Variants in DIS3L2 observed in about 807,000 individuals in gnomAD.
The protein encoded by DIS3L2 is DIS3-like exonuclease 2.
Under a neutral mutation model 97.5 loss-of-function variants are expected in DIS3L2, and 34 were observed. The observed-to-expected ratio is 0.35, with a 90% confidence interval of 0.27 to 0.46. DIS3L2 has a LOEUF of 0.46. Among genes scored for constraint, DIS3L2 ranks in the 20% least tolerant of loss-of-function variants. DIS3L2 has a pLI of 1.00. For synonymous variants in DIS3L2, 435 were observed against 445.2 expected, an observed-to-expected ratio of 0.98 and a Z score of 0.29; for missense variants, 1,038 against 1,146.0, an observed-to-expected ratio of 0.91 and a Z score of 1.36.
chr2:232,113,931 C>T (rs1697621446), intron 6 of DIS3L2, among the ~76,000 whole-genome samples: 1 of 152,020 alleles, frequency 6.6e-6, no homozygotes, highest in Non-Finnish European at 1.5e-5. Context: ...CCTAAACTCT[C>T]ATAAGATCAG....
At chr2:232,054,991 G>GA (rs1695505698) in intron 5 of DIS3L2, among the ~76,000 whole-genome samples, 1 of 152,168 alleles carries the variant, frequency 6.6e-6, no homozygotes, top group African/African-American at 2.4e-5. Context: ...CACGTTACCA[G>GA]AAGAAAGGAA....
chr2:232,050,569 C>T (rs1477863673), intron 5 of DIS3L2, among the ~76,000 whole-genome samples: 3 of 152,192 alleles, frequency 2.0e-5, no homozygotes, highest in Non-Finnish European at 2.9e-5. Context: ...AGCCACTGCA[C>T]CCGGCCGGTT....
intron 13 of DIS3L2, among the ~76,000 whole-genome samples, chr2:232,271,498 G>T (rs772686358): frequency 1.3e-5 from 2 of 152,184 alleles, no homozygotes; most frequent in Non-Finnish European, 2.9e-5. Flanking sequence ...GAAGTTCAAG[G>T]CTTCCATTTA....
chr2:232,191,581 A>T (rs1005005177), intron 9 of DIS3L2, among the ~76,000 whole-genome samples: 3 of 152,220 alleles, frequency 2.0e-5, no homozygotes, highest in Admixed American at 6.5e-5. Context: ...AACTTTGAGG[A>T]CACTCATTTG....
At chr2:232,272,010 T>A (rs1046477588) in intron 13 of DIS3L2, among the ~76,000 whole-genome samples, 2 of 152,248 alleles carry the variant, frequency 1.3e-5, no homozygotes, top group African/African-American at 2.4e-5. Context: ...TGGCCACTAT[T>A]TCTGGCTTGT....
At chr2:232,122,543 C>A (rs1697937224) in intron 6 of DIS3L2, among the ~76,000 whole-genome samples, 1 of 152,042 alleles carries the variant, frequency 6.6e-6, no homozygotes, top group Admixed American at 6.6e-5. Flanking sequence ...ATGGTGAAAC[C>A]CTGTCTCTAC....
chr2:232,275,165 C>T (rs1694109027), intron 13 of DIS3L2, among the ~76,000 whole-genome samples: 2 of 152,214 alleles, frequency 1.3e-5, no homozygotes, highest in Non-Finnish European at 2.9e-5. Context: ...ACTTCCTCTT[C>T]CTCCAATATC....
chr2:232,311,929 G>A (rs1248415463), intron 14 of DIS3L2, among the ~76,000 whole-genome samples: 1 of 152,160 alleles, frequency 6.6e-6, no homozygotes, highest in Non-Finnish European at 1.5e-5. Context: ...TATATAATAG[G>A]AATGAAATTG....
intron 6 of DIS3L2, among the ~76,000 whole-genome samples, chr2:232,121,632 CG>C (rs1228472078): frequency 6.6e-5 from 10 of 152,194 alleles, no homozygotes; most frequent in Admixed American, 6.5e-4. Flanking sequence ...GTGGCTCACA[CG>C]CCTTAGTGTG....
intron 12 of DIS3L2, among the ~76,000 whole-genome samples, chr2:232,256,294 T>G (rs1217449067): frequency 6.6e-6 from 1 of 152,236 alleles, no homozygotes; most frequent in African/African-American, 2.4e-5. Flanking sequence ...CTGCCTTTTA[T>G]GTGTAACTGA....
intron 6 of DIS3L2, among the ~76,000 whole-genome samples, chr2:232,091,204 G>A (rs1284418366): frequency 6.6e-6 from 1 of 152,182 alleles, no homozygotes; most frequent in Non-Finnish European, 1.5e-5. Context: ...TGCGTAAATG[G>A]CTTTAAAAAT....
chr2:232,140,298 T>A (rs1698473663), intron 8 of DIS3L2, among the ~76,000 whole-genome samples: 1 of 152,184 alleles, frequency 6.6e-6, no homozygotes, highest in Non-Finnish European at 1.5e-5. Flanking sequence ...ATATTTCTCA[T>A]CTGTTTGGTT....
intron 5 of DIS3L2, among the ~76,000 whole-genome samples, chr2:232,055,421 A>G (rs972866563): frequency 1.3e-5 from 2 of 152,232 alleles, no homozygotes; most frequent in Non-Finnish European, 2.9e-5. Context: ...TTATGTTAGC[A>G]TGTAAAAAAG....
chr2:232,043,556 T>G (rs1472442774), intron 5 of DIS3L2, among the ~76,000 whole-genome samples: 2 of 152,196 alleles, frequency 1.3e-5, no homozygotes, highest in African/African-American at 4.8e-5. Flanking sequence ...GCTTCAATAT[T>G]GCTTACTACA....
chr2:232,048,298 A>G (rs1308200511), intron 5 of DIS3L2, among the ~76,000 whole-genome samples: 2 of 152,158 alleles, frequency 1.3e-5, no homozygotes, highest in Non-Finnish European at 2.9e-5. Context: ...TTTCACACGC[A>G]AGTCACCATT....
chr2:231,979,235 T>TTA (rs1369365181), intron 1 of DIS3L2, among the ~76,000 whole-genome samples: 1 of 151,886 alleles, frequency 6.6e-6, no homozygotes, highest in Non-Finnish European at 1.5e-5. Context: ...ACAGTTTATT[T>TTA]TATTTATTTA....
At chr2:232,314,523 A>G (rs767659196) in intron 14 of DIS3L2, among the ~76,000 whole-genome samples, 1 of 152,122 alleles carries the variant, frequency 6.6e-6, no homozygotes, top group Non-Finnish European at 1.5e-5. Context: ...TTGCAGCCCA[A>G]ATACCCATGG....
chr2:232,051,359 C>T (rs1016273171), intron 5 of DIS3L2, among the ~76,000 whole-genome samples: 2 of 152,128 alleles, frequency 1.3e-5, no homozygotes, highest in Admixed American at 6.5e-5. Flanking sequence ...ATACAGTAGG[C>T]AGGGAATAGA....
At chr2:232,185,906 A>G (rs1691418197) in intron 9 of DIS3L2, among the ~76,000 whole-genome samples, 1 of 152,136 alleles carries the variant, frequency 6.6e-6, no homozygotes, top group South Asian at 2.1e-4. Flanking sequence ...AAGAAAATAT[A>G]AAGATAAGCA....
Sources: allele counts gnomAD v4.1 joint callset (sites outside exome capture counted in the v4.1 genomes callset), GRCh38; gene constraint gnomAD v4.1.1; transcripts MANE v1.5; gene names NCBI Gene and HGNC (gene_info 2026-07-23, HGNC 2026-07-21).